The following PDE4B variants were observed in gnomAD, a reference collection of about 807,000 sequenced individuals.
PDE4B encodes the protein 3',5'-cyclic-AMP phosphodiesterase 4B.
Under a neutral mutation model 82.2 loss-of-function variants are expected in PDE4B, and 20 were observed. The observed-to-expected ratio is 0.24, with a 90% CI of 0.17 to 0.35. PDE4B has a LOEUF of 0.35. Ranked by LOEUF, PDE4B falls within the 10% of genes least tolerant of loss-of-function variation. The probability of loss-of-function intolerance (pLI) is 1.00; values close to 1 mark genes in which losing one functional copy is unlikely to be tolerated. For missense variants in PDE4B, 655 were observed against 907.2 expected (o/e 0.72, Z 3.57); for synonymous variants, 320 against 318.9 (o/e 1.00, Z -0.04).
intron 12 of PDE4B, 45 bp downstream of exon 12, chr1:66,363,616 A>C (rs757886476): frequency 6.6e-7 from 1 of 1,506,538 alleles, no homozygotes; most frequent in Non-Finnish European, 9.1e-7. Context: ...ATCCTCCTTC[A>C]AAAATGCCAT....
intron 16 of PDE4B, among the ~76,000 whole-genome samples, chr1:66,369,514 G>A (rs990355362): frequency 2.6e-5 from 4 of 152,236 alleles, no homozygotes; most frequent in African/African-American, 9.6e-5. Context: ...CACATTCTGT[G>A]TGTGCTCAGG....
At chr1:65,819,499 G>GTTTTTTTTTT (rs11438074) in intron 1 of PDE4B, among the ~76,000 whole-genome samples, 2 of 145,402 alleles carry the variant, frequency 1.4e-5, no homozygotes, top group Admixed American at 6.8e-5. Context: ...GTTTGTTTTT[G>GTTTTTTTTTT]TTTTGTTTTT....
rs568652161 is a variant in PDE4B, at chr1:65,933,992, T to A, written c.281+15157T>A. Among the ~76,000 whole-genome samples, 13 of 152,246 alleles carry A rather than the reference T, an allele frequency of 8.5e-5. 1 individual carries two copies. In the South Asian group the frequency reaches 1.0e-3, roughly 12 times the overall value. On this transcript the variant is annotated intron_variant, in intron 3 of 16. Transcript: ENST00000341517. ...GTGTGTGATGGGAAAGAAGTGCAAG[T>A]GTAGAGAAATTGAATGTAAGTTGTT...
At chr1:66,218,797 C>T (rs942136661) in intron 3 of PDE4B, among the ~76,000 whole-genome samples, 1 of 152,144 alleles carries the variant, frequency 6.6e-6, no homozygotes, top group Non-Finnish European at 1.5e-5. Flanking sequence ...ACACTTATTA[C>T]AAGGCCTAGC....
intron 6 of PDE4B, among the ~76,000 whole-genome samples, chr1:66,259,261 A>G (rs1458422835): frequency 6.6e-6 from 1 of 152,188 alleles, no homozygotes; most frequent in Non-Finnish European, 1.5e-5. Context: ...CCCCATCAGT[A>G]CCAGGCACTG....
At chr1:65,917,414 G>A (rs1407997420) in intron 2 of PDE4B, among the ~76,000 whole-genome samples, 1 of 152,202 alleles carries the variant, frequency 6.6e-6, no homozygotes, top group Non-Finnish European at 1.5e-5. Flanking sequence ...GTAGCCTGAT[G>A]CTAGGACTTC....
chr1:66,266,826 C>T (rs1322753953), intron 7 of PDE4B: 1 of 407,274 alleles, frequency 2.5e-6, no homozygotes, highest in Non-Finnish European at 5.0e-6. Flanking sequence ...AATGTTTTCT[C>T]CTAAATCTGT....
At chr1:66,290,841 T>G (rs1001056826) in intron 7 of PDE4B, among the ~76,000 whole-genome samples, 1 of 152,150 alleles carries the variant, frequency 6.6e-6, no homozygotes, top group Admixed American at 6.6e-5. Flanking sequence ...GCAGAAACCA[T>G]GGCTCCATGA....
At chr1:65,805,423 C>A (rs564074716) in intron 1 of PDE4B, among the ~76,000 whole-genome samples, 28 of 152,194 alleles carry the variant, frequency 1.8e-4, no homozygotes, top group African/African-American at 6.5e-4. Context: ...AGTCTTATGG[C>A]CAAACCTAAT....
intron 3 of PDE4B, among the ~76,000 whole-genome samples, chr1:65,940,273 A>T (rs901344153): frequency 5.3e-5 from 8 of 152,170 alleles, no homozygotes; most frequent in African/African-American, 1.7e-4. Context: ...TCTTCATAGG[A>T]GAAAAAAGGC....
intron 3 of PDE4B, among the ~76,000 whole-genome samples, chr1:66,094,052 A>G (rs1195389475): frequency 6.6e-6 from 1 of 152,092 alleles, no homozygotes; most frequent in Non-Finnish European, 1.5e-5. Context: ...ATAAATTATA[A>G]TTCATAGTCA....
chr1:66,080,112 CT>C (rs1190349201), intron 3 of PDE4B, among the ~76,000 whole-genome samples: 1 of 152,034 alleles, frequency 6.6e-6, no homozygotes, highest in East Asian at 1.9e-4. Context: ...AAAAATTATT[CT>C]TTAGGATTTC....
chr1:65,859,786 A>G (rs937205044), intron 1 of PDE4B, among the ~76,000 whole-genome samples: 4 of 152,238 alleles, frequency 2.6e-5, no homozygotes, highest in Non-Finnish European at 5.9e-5. Flanking sequence ...AAAACATTAT[A>G]TATCACATTA....
intron 3 of PDE4B, among the ~76,000 whole-genome samples, chr1:66,123,533 T>A (rs1032645546): frequency 1.3e-5 from 2 of 151,426 alleles, no homozygotes; most frequent in African/African-American, 2.4e-5. Context: ...TCCCTCCTTT[T>A]CTCCCTCTCT....
intron 3 of PDE4B, among the ~76,000 whole-genome samples, chr1:66,102,425 G>A (rs190889918): frequency 2.8e-3 from 421 of 152,134 alleles, no homozygotes; most frequent in African/African-American, 8.9e-3. Context: ...GCAGCACATG[G>A]GAAATATTGA....
At chr1:66,067,695 A>G (rs1177266868) in intron 3 of PDE4B, among the ~76,000 whole-genome samples, 3 of 152,166 alleles carry the variant, frequency 2.0e-5, no homozygotes, top group South Asian at 2.1e-4. Flanking sequence ...TAGTTTAATT[A>G]GATTCCATTT....
chr1:66,331,834 T>G, intron 7 of PDE4B: 1 of 985,310 alleles, frequency 1.0e-6, no homozygotes, highest in South Asian at 4.7e-5. Context: ...GACTGGAGTC[T>G]TATCAGGGAG....
intron 1 of PDE4B, among the ~76,000 whole-genome samples, chr1:65,794,978 A>C: frequency 6.6e-6 from 1 of 152,230 alleles, no homozygotes; most frequent in East Asian, 1.9e-4. Flanking sequence ...TCTAGAGAGT[A>C]ACCTGTTAGA....
At chr1:66,078,187 C>CTCTT (rs566563383) in intron 3 of PDE4B, among the ~76,000 whole-genome samples, 2 of 150,768 alleles carry the variant, frequency 1.3e-5, no homozygotes, top group Admixed American at 6.6e-5. Context: ...TGCTTAAAGC[C>CTCTT]TCTTTCTTTC....
Sources: gnomAD v4.1 joint callset for allele counts (sites outside exome capture counted in the v4.1 genomes callset) on GRCh38, gnomAD v4.1.1 for gene constraint, MANE v1.5 for transcripts, NCBI Gene and HGNC (gene_info 2026-07-23, HGNC 2026-07-21) for gene names.